ARPP21: variants seen among roughly 807,000 people sequenced by gnomAD.
The protein encoded by ARPP21 is cAMP regulated phosphoprotein 21, also known as cAMP-regulated phosphoprotein 21.
ARPP21 carries 69 observed loss-of-function variants against 113.2 expected under a neutral mutation model. The observed-to-expected ratio is 0.61, with a 90% CI of 0.50 to 0.74. ARPP21 has a LOEUF of 0.74. ARPP21 is among the 30% of genes least tolerant of loss of function. ARPP21 has a pLI of 0.00. For synonymous variants in ARPP21, 368 were observed against 375.5 expected (o/e 0.98, Z 0.23); for missense variants, 1,070 against 1,037.4 (o/e 1.03, Z -0.43).
At chr3:35,687,655 A>G (rs951991510) in intron 5 of ARPP21, 84 bp from the exon 6 acceptor site, 5 of 1,276,080 alleles carry the variant, frequency 3.9e-6, no homozygotes, top group Non-Finnish European at 5.4e-6. Context: ...TCATTTTTCT[A>G]TACTTTATAA....
At chr3:35,721,865 T>C (rs1420228497) in intron 14 of ARPP21, 31 bp downstream of exon 14, 3 of 1,418,994 alleles carry the variant, frequency 2.1e-6, no homozygotes, top group Admixed American at 4.4e-5. Flanking sequence ...TTATGTCCTG[T>C]GGTATTTTTT....
In ARPP21 at chr3:35,690,068, A is replaced by G. The variant is rs200086835; in HGVS notation, c.486-13A>G. The stretch of plus-strand genomic sequence containing the variant: ...ATACATAAAACCTTTTAAATTTAAC[A>G]TTTATTTTGCAGGGACAGGATGATA... On this transcript the variant is annotated splice_polypyrimidine_tract_variant and intron_variant, in intron 7 of 20. Coordinates refer to ENST00000684406, the MANE Select transcript of ARPP21 (RefSeq NM_001385562.1). The G allele has an allele frequency of 5.0e-6, 6 of 1,196,594 alleles. No individual in the cohort carries two copies. Among genetic ancestry groups the G allele is most frequent in the East Asian group, 2.3e-5 (1 of 42,670 alleles). The allele number at this position is 1,196,594 out of a possible 1,614,324, so 74.1% of individuals were successfully genotyped here.
intron 1 of ARPP21, among the ~76,000 whole-genome samples, chr3:35,674,822 C>T (rs1387030404): frequency 6.6e-6 from 1 of 151,872 alleles, no homozygotes; most frequent in Non-Finnish European, 1.5e-5. Context: ...ATGCTCAGGA[C>T]ATTTCTGTGC....
chr3:35,779,523 G>A (rs2096471802), intron 19 of ARPP21, among the ~76,000 whole-genome samples: 1 of 151,800 alleles, frequency 6.6e-6, no homozygotes, highest in Non-Finnish European at 1.5e-5. Context: ...AGTTTCTTGT[G>A]CCAGGATATC....
chr3:35,740,765 G>C (rs2150788653), intron 18 of ARPP21, among the ~76,000 whole-genome samples: 1 of 152,124 alleles, frequency 6.6e-6, no homozygotes, highest in East Asian at 1.9e-4. Flanking sequence ...AATGTAAGCA[G>C]AATGTTTAAT....
intron 11 of ARPP21, among the ~76,000 whole-genome samples, chr3:35,711,600 G>C (rs2091144725): frequency 6.6e-6 from 1 of 152,154 alleles, no homozygotes; most frequent in South Asian, 2.1e-4. Flanking sequence ...AGCTTAACTG[G>C]GTGATTCTAG....
intron 19 of ARPP21, among the ~76,000 whole-genome samples, chr3:35,747,251 A>AG (rs2095116904): frequency 6.7e-6 from 1 of 150,224 alleles, no homozygotes; most frequent in African/African-American, 2.5e-5. Flanking sequence ...CTACTTGGGG[A>AG]GGCTGAGGCA....
upstream of ARPP21, among the ~76,000 whole-genome samples, chr3:35,639,231 C>T (rs1433647240): frequency 6.6e-6 from 1 of 152,104 alleles, no homozygotes; most frequent in Non-Finnish European, 1.5e-5. The surrounding 1 kb of genome is among the most constrained non-coding windows in gnomAD (Gnocchi z 5.0). Context: ...TGAGTGGTAC[C>T]GCGGGCGCCC....
At chr3:35,721,331 T>C (rs1003555025) in intron 13 of ARPP21, among the ~76,000 whole-genome samples, 3 of 152,198 alleles carry the variant, frequency 2.0e-5, no homozygotes, top group Admixed American at 2.0e-4. Flanking sequence ...TGACATGTCT[T>C]TCTAGTTGTT....
intron 10 of ARPP21, among the ~76,000 whole-genome samples, chr3:35,708,579 C>T (rs1230110534): frequency 1.3e-5 from 2 of 152,232 alleles, no homozygotes; most frequent in Admixed American, 1.3e-4. Context: ...TAGCCACTTC[C>T]TCTTTTTTCA....
intron 9 of ARPP21, among the ~76,000 whole-genome samples, chr3:35,697,265 T>G (rs1227024225): frequency 6.6e-6 from 1 of 151,506 alleles, no homozygotes; most frequent in African/African-American, 2.4e-5. Flanking sequence ...GCAAATCCAC[T>G]GAAAGAGAGT....
chr3:35,768,809 T>A (rs759571887), intron 19 of ARPP21, among the ~76,000 whole-genome samples: 1 of 152,190 alleles, frequency 6.6e-6, no homozygotes, highest in African/African-American at 2.4e-5. Flanking sequence ...TGCTTGCTAT[T>A]TATTGTCATG....
At chr3:35,739,248 G>C in intron 17 of ARPP21, 69 bp from the exon 18 acceptor site, 1 of 1,552,294 alleles carries the variant, frequency 6.4e-7, no homozygotes, top group Non-Finnish European at 8.8e-7. Flanking sequence ...TCCTGTGTCT[G>C]CCTCAGAGTG....
chr3:35,772,219 G>A (rs1368078771), intron 19 of ARPP21, among the ~76,000 whole-genome samples: 1 of 152,082 alleles, frequency 6.6e-6, no homozygotes, highest in Non-Finnish European at 1.5e-5. Flanking sequence ...GTTATTCTTG[G>A]AAATGAAATG....
chr3:35,705,780 A>G (rs896755316), intron 9 of ARPP21, among the ~76,000 whole-genome samples: 33 of 152,286 alleles, frequency 2.2e-4, no homozygotes, highest in African/African-American at 7.5e-4. Context: ...CAAAAATTAT[A>G]CTCAGTTAAA....
intron 1 of ARPP21, among the ~76,000 whole-genome samples, chr3:35,668,027 A>G (rs185523855): frequency 0.01 from 1,357 of 132,418 alleles, 12 homozygotes; most frequent in South Asian, 0.02. Flanking sequence ...GAAGAAGAAG[A>G]AGAAGGAGAA....
At chr3:35,779,725 C>T (rs2096477840) in intron 19 of ARPP21, among the ~76,000 whole-genome samples, 2 of 152,150 alleles carry the variant, frequency 1.3e-5, no homozygotes, top group Non-Finnish European at 2.9e-5. Context: ...AGCAAACTCA[C>T]ATTTACAACC....
intron 19 of ARPP21, among the ~76,000 whole-genome samples, chr3:35,788,999 T>C (rs2096689182): frequency 6.6e-6 from 1 of 152,230 alleles, no homozygotes; most frequent in South Asian, 2.1e-4. Flanking sequence ...ACTTGAAAAT[T>C]GAATCGATCT....
intron 1 of ARPP21, among the ~76,000 whole-genome samples, chr3:35,668,461 G>C (rs959091773): frequency 1.3e-5 from 2 of 151,968 alleles, no homozygotes; most frequent in East Asian, 3.9e-4. Flanking sequence ...ATCTGGAATT[G>C]GCATCTGGGA....
Sources: gnomAD v4.1 joint callset for allele counts (sites outside exome capture counted in the v4.1 genomes callset) on GRCh38, gnomAD v4.1.1 for gene constraint, Gnocchi (gnomAD v3.1) non-coding constraint, MANE v1.5 for transcripts, NCBI Gene and HGNC (gene_info 2026-07-23, HGNC 2026-07-21) for gene names.